DOCK4: variants seen among roughly 807,000 people sequenced by gnomAD.
The protein encoded by DOCK4 is dedicator of cytokinesis 4.
In DOCK4, 97 loss-of-function variants were observed where a neutral mutation model predicts 268.1. The ratio of observed to expected loss-of-function variants is 0.36; its 90% CI spans 0.31 to 0.43. DOCK4 has a LOEUF of 0.43. DOCK4 is among the 20% of genes least tolerant of loss of function. The pLI is 1.00. For missense variants in DOCK4, 2,145 were observed against 2,455.7 expected (o/e 0.87, Z 2.67); for synonymous variants, 954 against 887.2 (o/e 1.08, Z -1.34).
chr7:112,065,720 G>A (rs1806865431), intron 1 of DOCK4, among the ~76,000 whole-genome samples: 1 of 151,932 alleles, frequency 6.6e-6, no homozygotes, highest in Non-Finnish European at 1.5e-5. Context: ...AAGGGTAGAT[G>A]ACTTCCAAGT....
chr7:111,746,236 G>T (rs1796255491), intron 44 of DOCK4, 98 bp downstream of exon 44: 1 of 938,144 alleles, frequency 1.1e-6, no homozygotes, highest in Non-Finnish European at 1.6e-6. Context: ...GCCAGCTTCT[G>T]TTAGACCACT....
intron 1 of DOCK4, among the ~76,000 whole-genome samples, chr7:112,067,142 G>A (rs1307543717): frequency 6.7e-6 from 1 of 150,138 alleles, no homozygotes; most frequent in Non-Finnish European, 1.5e-5. Flanking sequence ...TCGTGCCACT[G>A]CACTCCAGAC....
intron 1 of DOCK4, among the ~76,000 whole-genome samples, chr7:112,132,305 T>C (rs545040029): frequency 6.6e-6 from 1 of 152,112 alleles, no homozygotes; most frequent in East Asian, 1.9e-4. Context: ...TTTAGGTTCA[T>C]CACAGTTAAT....
In DOCK4 at chr7:112,078,760, C is replaced by T. The variant is rs543715906; in HGVS notation, c.38-74629G>A. On this transcript the variant is annotated intron_variant, in intron 1 of 52. Transcript: ENST00000428084. ...AGGAGGGAGCTCACTCACTTATACA[C>T]GTATCTCCTGCAGAGTCTGGGTCTC... 4.6e-5 allele frequency among the ~76,000 whole-genome samples: 7 copies of T among 152,310 alleles called. 1 individual carries two copies. Among genetic ancestry groups the T allele is most frequent in the Middle Eastern group, 3.4e-3 (1 of 294 alleles).
rs968182885 is a variant in DOCK4 at position 111,828,894 on chromosome 7, A to G, written c.2835+5694T>C. The stretch of plus-strand genomic sequence containing the variant: ...AAAATGTGTGTGTGTGTGTGTATAT[A>G]TATATATATATATGTATATATATAG... On this transcript the variant is annotated intron_variant, in intron 26 of 52. Coordinates refer to ENST00000428084, the MANE Select transcript of DOCK4 (RefSeq NM_001363540.2). 1.3e-3 allele frequency among the ~76,000 whole-genome samples: 200 copies of G among 150,210 alleles called. 1 individual carries two copies. Among genetic ancestry groups the G allele is most frequent in the African/African-American group, 4.6e-3 (188 of 41,088 alleles).
At chr7:111,888,821 C>A (rs970219385) in intron 16 of DOCK4, among the ~76,000 whole-genome samples, 1 of 152,030 alleles carries the variant, frequency 6.6e-6, no homozygotes, top group Admixed American at 6.6e-5. Context: ...TGGAATGAGC[C>A]TTATAGAGGA....
chr7:111,788,668 T>C lies in DOCK4; in HGVS notation c.3395A>G (p.Asn1132Ser), dbSNP rs1189860653. The C allele has an allele frequency of 1.9e-6, 3 of 1,581,232 alleles. No individual in the cohort carries two copies. Among genetic ancestry groups the C allele is most frequent in the East Asian group, 4.6e-5 (2 of 43,878 alleles). ...AGATAAACATATTACTCACATACTG[T>C]TGAAGAGCTCGCGGTATGTTTCGTC... ...KGDETYRELF[N>S]SIIPLFGPYP... is the part of the protein sequence containing the mutation. The change falls in exon 32 of 53, where the codon AAC becomes AGC. Residue 1132 changes from asparagine (N) to serine (S), a missense_variant. Asn to Ser is a conservative substitution (Grantham distance 46, BLOSUM62 1). Transcript: ENST00000428084.
intron 26 of DOCK4, among the ~76,000 whole-genome samples, chr7:111,830,047 G>A (rs1802697035): frequency 6.6e-6 from 1 of 152,092 alleles, no homozygotes; most frequent in African/African-American, 2.4e-5. Flanking sequence ...TATTATCTTT[G>A]AAAATATTAC....
At chr7:111,920,197 G>C (rs1313469517) in intron 12 of DOCK4, among the ~76,000 whole-genome samples, 2 of 152,120 alleles carry the variant, frequency 1.3e-5, no homozygotes, top group African/African-American at 4.8e-5. Flanking sequence ...AGTTGGACAA[G>C]ATGAAGACGT....
Position 111,933,141 on chromosome 7 carries a change from TATATATACGTATATACAC to T in DOCK4, c.1066+2381_1066+2398del, listed in dbSNP as rs58866393. Among the ~76,000 whole-genome samples the T allele has an allele frequency of 1.5e-3, 93 of 60,082 alleles. 1 individual carries two copies. The highest frequency in any genetic ancestry group is 3.4e-3 in the African/African-American group (29 of 8,524). The allele number at this position is 60,082 out of a possible 152,430, so 39.4% of individuals were successfully genotyped here. A position where few individuals can be genotyped will look rare whatever the true frequency, so the allele number is the denominator to read the frequency against. ...ACACATATATATACGTATATACACA[TATATATACGTATATACAC>T]ATATATACGTATATACACATATATA... On this transcript the variant is annotated intron_variant, in intron 12 of 52. Coordinates refer to ENST00000428084, the MANE Select transcript of DOCK4 (RefSeq NM_001363540.2).
rs115109929 is a variant in DOCK4 at position 111,778,423 on chromosome 7, T to C, written c.3586-54A>G. 8.6e-4 allele frequency: 1,006 copies of C among 1,172,338 alleles called. 9 individuals are homozygous for C. In the African/African-American group the frequency reaches 0.014, roughly 16 times the overall value. The allele number at this position is 1,172,338 out of a possible 1,614,324, so 72.6% of individuals were successfully genotyped here. A position where few individuals can be genotyped will look rare whatever the true frequency, so the allele number is the denominator to read the frequency against. On this transcript the variant is annotated intron_variant, in intron 35 of 52. Coordinates refer to ENST00000428084, the MANE Select transcript of DOCK4 (RefSeq NM_001363540.2). The stretch of plus-strand genomic sequence containing the variant: ...GTTCCTCAACAATCTGGCCTACAAT[T>C]ATCTGCCTTTTACTCTGCTAAAGTT...
At chr7:111,931,288 T>C (rs1178775217) in intron 12 of DOCK4, among the ~76,000 whole-genome samples, 2 of 152,226 alleles carry the variant, frequency 1.3e-5, no homozygotes, top group Non-Finnish European at 2.9e-5. Context: ...CAATGGTTTC[T>C]TTCATTCTTT....
At chr7:111,972,093 A>C (rs1797758544) in intron 8 of DOCK4, 1 of 152,824 alleles carries the variant, frequency 6.5e-6, no homozygotes, top group Non-Finnish European at 1.5e-5. Context: ...TAGCATAGAC[A>C]ATTTCTGAGG....
chr7:111,901,820 T>G lies in DOCK4; in HGVS notation c.1193-19A>C. ...ATTTCACCTATAAGGAAAGGAAAAT[T>G]AAAACCATGTTATATATATATGAGG... is the stretch of plus-strand genomic sequence containing the variant. On this transcript the variant is annotated intron_variant, in intron 13 of 52. Coordinates refer to ENST00000428084, the MANE Select transcript of DOCK4 (RefSeq NM_001363540.2). 1 of 1,503,898 alleles carries G rather than the reference T, an allele frequency of 6.6e-7. No homozygotes were observed. Among genetic ancestry groups the G allele is most frequent in the Non-Finnish European group, 9.1e-7 (1 of 1,098,634 alleles). The allele number at this position is 1,503,898 out of a possible 1,614,324, so 93.2% of individuals were successfully genotyped here. A position where few individuals can be genotyped will look rare whatever the true frequency, so the allele number is the denominator to read the frequency against.
At chr7:111,836,361 A>C (rs2134035578) in intron 25 of DOCK4, among the ~76,000 whole-genome samples, 1 of 152,274 alleles carries the variant, frequency 6.6e-6, no homozygotes, top group South Asian at 2.1e-4. Flanking sequence ...GCAAGACCTA[A>C]AATGATCAAA....
chr7:111,733,537 C>A (rs1045227924), intron 51 of DOCK4, among the ~76,000 whole-genome samples: 1 of 152,186 alleles, frequency 6.6e-6, no homozygotes, highest in South Asian at 2.1e-4. Flanking sequence ...CTGATCCTGA[C>A]GGAGAACTAT....
Position 111,929,402 on chromosome 7 carries a change from T to C in DOCK4, c.1066+6138A>G, listed in dbSNP as rs117480035. On this transcript the variant is annotated intron_variant, in intron 12 of 52. Coordinates refer to ENST00000428084, the MANE Select transcript of DOCK4 (RefSeq NM_001363540.2). Reference sequence around the variant, plus strand: ...AAAAAAAAACTTTAAAGAGAGATCATGGTAAAATATTTAGGAAACTCCAAA... The same window carrying C: ...AAAAAAAAACTTTAAAGAGAGATCACGGTAAAATATTTAGGAAACTCCAAA... Among the ~76,000 whole-genome samples, 214 of 152,200 alleles carry C rather than the reference T, an allele frequency of 1.4e-3. 2 individuals carry two copies. In the East Asian group the frequency reaches 0.037, roughly 26 times the overall value.
intron 1 of DOCK4, among the ~76,000 whole-genome samples, chr7:112,147,676 G>A (rs3997352): frequency 0.4 from 60,790 of 151,744 alleles, 12,428 homozygotes; most frequent in Middle Eastern, 0.48. Flanking sequence ...AAAATAAGGC[G>A]GTTATCTGAG....
chr7:112,061,584 AATGCTTC>A (rs1806399187), intron 1 of DOCK4, among the ~76,000 whole-genome samples: 1 of 152,126 alleles, frequency 6.6e-6, no homozygotes, highest in Admixed American at 6.5e-5. Flanking sequence ...ACACACAGCA[AATGCTTC>A]ATAAGCTCTC....
Sources: gnomAD v4.1 joint callset for allele counts (sites outside exome capture counted in the v4.1 genomes callset) on GRCh38, gnomAD v4.1.1 for gene constraint, MANE v1.5 for transcripts, NCBI Gene and HGNC (gene_info 2026-07-23, HGNC 2026-07-21) for gene names.